The following RPH3AL variants were observed in gnomAD, a reference collection of about 807,000 sequenced individuals.
RPH3AL encodes rab effector Noc2.
Under a neutral mutation model 43.1 loss-of-function variants are expected in RPH3AL, and 38 were observed. The ratio of observed to expected loss-of-function variants is 0.88; its 90% confidence interval spans 0.68 to 1.15. The LOEUF (loss-of-function observed/expected upper bound fraction) is 1.15, where lower values mean the gene tolerates loss of function less well. Among genes scored for constraint, RPH3AL ranks in the 50% most tolerant of loss-of-function variants. The pLI, the probability that RPH3AL is intolerant of heterozygous loss-of-function variation, is 0.00. For synonymous variants in RPH3AL, 189 were observed against 176.3 expected (o/e 1.07, Z -0.57); for missense variants, 462 against 423.2 (o/e 1.09, Z -0.81).
At position 250,973 on chromosome 17, in the gene RPH3AL, CA is replaced by C. The variant is rs1485297587; in HGVS notation, c.439-3689del. Among the ~76,000 whole-genome samples, 3 of 152,368 alleles carry C rather than the reference CA, an allele frequency of 2.0e-5. No homozygotes were observed. In the East Asian group the frequency reaches 5.8e-4, roughly 29 times the overall value. ...AGGGTTATCCCAGAGGGCAAAAGAA[CA>C]CACCGTGCTCTCTACCCGCAATCTG... is the stretch of plus-strand genomic sequence containing the variant. On this transcript the variant is annotated intron_variant, in intron 6 of 9. Transcript: ENST00000331302.
intron 7 of RPH3AL, among the ~76,000 whole-genome samples, chr17:228,502 T>G (rs2041155545): frequency 6.6e-6 from 1 of 152,114 alleles, no homozygotes; most frequent in African/African-American, 2.4e-5. Context: ...CAGAGGCAGC[T>G]GGAACTCACG....
chr17:331,096 C>CAAGGCAGGA (rs1472551880), intron 2 of RPH3AL: 1 of 149,562 alleles, frequency 6.7e-6, no homozygotes, highest in Non-Finnish European at 1.5e-5. Flanking sequence ...GCAAGGGAGG[C>CAAGGCAGGA]AGGCAGCCAG....
intron 7 of RPH3AL, among the ~76,000 whole-genome samples, chr17:235,932 G>A (rs909169292): frequency 2.1e-3 from 197 of 95,946 alleles, no homozygotes; most frequent in Middle Eastern, 5.9e-3. Context: ...CCGAGGCTCC[G>A]CACTAACAAG....
chr17:281,913 G>C lies in RPH3AL; in HGVS notation c.352-59C>G. On this transcript the variant is annotated intron_variant, in intron 5 of 9. Transcript: ENST00000331302. ...GCAGCCGCTTCCTCCTCCGCCGAGG[G>C]GCTCAGACAACTGTAACGAAGGGAC... 3 of 1,332,996 alleles carry C rather than the reference G, an allele frequency of 2.3e-6. No individual in the cohort carries two copies. In the South Asian group the frequency reaches 3.5e-5, roughly 16 times the overall value. 82.6% of individuals were successfully genotyped at this position (1,332,996 alleles called of 1,614,324 possible). A position where few individuals can be genotyped will look rare whatever the true frequency, so the allele number is the denominator to read the frequency against.
intron 5 of RPH3AL, among the ~76,000 whole-genome samples, chr17:307,578 T>A (rs1416036797): frequency 1.3e-5 from 2 of 152,174 alleles, no homozygotes; most frequent in Non-Finnish European, 2.9e-5. Flanking sequence ...CCCCGGGGCC[T>A]GGCACGAAGG....
intron 2 of RPH3AL, chr17:331,409 C>T: frequency 3.2e-6 from 1 of 315,714 alleles, no homozygotes; most frequent in South Asian, 2.6e-5. Flanking sequence ...ACCACGTTCA[C>T]AGGGGTGGCC....
intron 3 of RPH3AL, among the ~76,000 whole-genome samples, chr17:324,096 C>T (rs2044552440): frequency 6.6e-6 from 1 of 152,218 alleles, no homozygotes; most frequent in African/African-American, 2.4e-5. Context: ...GGCACCCCGC[C>T]CCATTTCTCA....
chr17:331,963 A>C, intron 2 of RPH3AL: 1 of 998,744 alleles, frequency 1.0e-6, no homozygotes, highest in Non-Finnish European at 1.4e-6. Context: ...CAAACCCCCA[A>C]ATTCAGGAGG....
chr17:227,887 A>G (rs1039531890), intron 7 of RPH3AL, among the ~76,000 whole-genome samples: 1 of 152,150 alleles, frequency 6.6e-6, no homozygotes, highest in African/African-American at 2.4e-5. Context: ...CAAAAAAAAA[A>G]TTCTCTAATG....
chr17:251,923 G>T (rs1322582297), intron 6 of RPH3AL, among the ~76,000 whole-genome samples: 2 of 151,726 alleles, frequency 1.3e-5, no homozygotes, highest in African/African-American at 4.8e-5. Context: ...GCTTTGAACC[G>T]CACGCCACAC....
intron 5 of RPH3AL, among the ~76,000 whole-genome samples, chr17:316,370 A>G (rs2044184831): frequency 7.0e-6 from 1 of 142,160 alleles, no homozygotes; most frequent in South Asian, 2.3e-4. Context: ...ACCTCCATTG[A>G]CCTGTAGTCT....
At chr17:336,555 A>AG (rs1350853753) in intron 1 of RPH3AL, among the ~76,000 whole-genome samples, 2 of 152,010 alleles carry the variant, frequency 1.3e-5, no homozygotes, top group Non-Finnish European at 2.9e-5. Flanking sequence ...GACCGTGGCA[A>AG]ATCTTCCTCA....
chr17:344,877 C>G (rs919846097), intron 1 of RPH3AL, among the ~76,000 whole-genome samples: 1 of 135,954 alleles, frequency 7.4e-6, no homozygotes, highest in Non-Finnish European at 1.7e-5. Flanking sequence ...GGGCTCATAT[C>G]TGGGCAGGAG....
intron 6 of RPH3AL, among the ~76,000 whole-genome samples, chr17:268,016 G>T (rs897273333): frequency 6.6e-6 from 1 of 152,092 alleles, no homozygotes; most frequent in African/African-American, 2.4e-5. Context: ...CTCCCTCTCA[G>T]AGGTAACCAC....
chr17:242,281 G>GATT (rs2041562710), intron 7 of RPH3AL, among the ~76,000 whole-genome samples: 13 of 130,566 alleles, frequency 1.0e-4, no homozygotes, highest in African/African-American at 3.1e-4. Flanking sequence ...TTCCTCTATT[G>GATT]ACTACCTTCC....
chr17:219,402 TTGGGCAAGATGG>T lies in RPH3AL; in HGVS notation c.727+209_727+220del, dbSNP rs2040894849. ...TTAGTAGAGGTGGGGTTTCACCATG[TTGGGCAAGATGG>T]TCTCAATCTCCTGACCTCATGATCT... On this transcript the variant is annotated intron_variant, in intron 8 of 9. Transcript: ENST00000331302. Among the ~76,000 whole-genome samples, 5 of 151,682 alleles carry T rather than the reference TTGGGCAAGATGG, an allele frequency of 3.3e-5. No homozygotes were observed. The South Asian group carries it at 8.4e-4, about 25-fold the overall frequency.
At chr17:272,359 T>C (rs1435896780) in intron 6 of RPH3AL, among the ~76,000 whole-genome samples, 5 of 152,034 alleles carry the variant, frequency 3.3e-5, no homozygotes, top group African/African-American at 1.2e-4. Context: ...CCAACCCAAA[T>C]GTCCATCAGT....
rs1006350853 is a variant in RPH3AL, at chr17:213,913, G to A, written c.887C>T (p.Thr296Ile). The stretch of plus-strand genomic sequence containing the variant: ...GTCAGCAGCGGGGGCTCGTCCAGGT[G>A]TGTCTTTTACCTTTGGATGAGAGAA... ...GLTRRAPVKD[T>I]PGRAPAADAA... The change falls in exon 10 of 10, where the codon ACA becomes ATA. Residue 296 changes from threonine (T) to isoleucine (I), a missense_variant. Physicochemically the swap from Thr to Ile is moderately conservative, Grantham distance 89 (BLOSUM62 -1). Coordinates refer to ENST00000331302, the MANE Select transcript of RPH3AL (RefSeq NM_006987.4). 1.2e-6 allele frequency: 2 copies of A among 1,613,118 alleles called. No individual in the cohort carries two copies. The highest frequency in any genetic ancestry group is 1.3e-5 in the African/African-American group (1 of 74,926).
chr17:224,754 C>T (rs1162587670), intron 7 of RPH3AL, among the ~76,000 whole-genome samples: 14 of 152,078 alleles, frequency 9.2e-5, no homozygotes, highest in African/African-American at 3.4e-4. Flanking sequence ...GAAAATGTGG[C>T]ACATATACAC....
Sources: gnomAD v4.1 joint callset for allele counts (sites outside exome capture counted in the v4.1 genomes callset) on GRCh38, gnomAD v4.1.1 for gene constraint, MANE v1.5 for transcripts, NCBI Gene and HGNC (gene_info 2026-07-23, HGNC 2026-07-21) for gene names.